The following PCDH17 variants were observed in gnomAD, a reference collection of about 807,000 sequenced individuals.
PCDH17 encodes the protein protocadherin-17.
In PCDH17, 21 loss-of-function variants were observed where a neutral mutation model predicts 67.7. That is an observed-to-expected ratio of 0.31 (90% CI 0.22 to 0.45). The LOEUF (loss-of-function observed/expected upper bound fraction) is 0.45, where lower values mean the gene tolerates loss of function less well. PCDH17 is among the 20% of genes least tolerant of loss of function. The probability of loss-of-function intolerance (pLI) is 1.00; values close to 1 mark genes in which losing one functional copy is unlikely to be tolerated. For missense variants in PCDH17, 1,471 were observed against 1,564.8 expected, an observed-to-expected ratio of 0.94 and a Z score of 1.01; for synonymous variants, 701 against 656.7, an observed-to-expected ratio of 1.07 and a Z score of -1.03.
At chr13:57,652,465 T>C (rs1955054674) in intron 1 of PCDH17, among the ~76,000 whole-genome samples, 1 of 152,154 alleles carries the variant, frequency 6.6e-6, no homozygotes, top group South Asian at 2.1e-4. Context: ...CCAAAATCGG[T>C]TTCTAGATAT....
rs1167639839 is a variant in PCDH17, at chr13:57,726,876, A to G, written c.*1582A>G. 2.0e-5 allele frequency: 3 copies of G among 152,508 alleles called. No individual in the cohort carries two copies. The highest frequency in any genetic ancestry group is 4.4e-5 in the Non-Finnish European group (3 of 68,018). 9.4% of individuals were successfully genotyped at this position (152,508 alleles called of 1,614,324 possible). On this transcript the variant is annotated 3_prime_UTR_variant, in exon 4 of 4. Coordinates refer to ENST00000377918, the MANE Select transcript of PCDH17 (RefSeq NM_001040429.3). ...GAAAAATGCTTTAATGCATGTATGTACCAGCAGTGGTTACTTGCATTGTGT... is the reference window on the plus strand; with the variant it reads ...GAAAAATGCTTTAATGCATGTATGTGCCAGCAGTGGTTACTTGCATTGTGT...
intron 3 of PCDH17, among the ~76,000 whole-genome samples, chr13:57,696,527 A>C (rs1297814827): frequency 2.3e-5 from 3 of 132,556 alleles, no homozygotes; most frequent in East Asian, 2.1e-4. Context: ...TACTGTTCGC[A>C]AAAAAAATGT....
intron 3 of PCDH17, among the ~76,000 whole-genome samples, chr13:57,709,366 G>A (rs371592430): frequency 6.6e-6 from 1 of 151,582 alleles, no homozygotes; most frequent in South Asian, 2.1e-4. Flanking sequence ...TTTTATTTAA[G>A]GTTAATGAAT....
intron 1 of PCDH17, among the ~76,000 whole-genome samples, chr13:57,654,876 C>T (rs1224325777): frequency 1.3e-5 from 2 of 151,594 alleles, no homozygotes; most frequent in Non-Finnish European, 3.0e-5. Flanking sequence ...TTATTTTTTT[C>T]CTCAAATTTG....
intron 3 of PCDH17, among the ~76,000 whole-genome samples, chr13:57,675,187 G>A (rs563366200): frequency 3.0e-4 from 46 of 152,024 alleles, no homozygotes; most frequent in Non-Finnish European, 6.3e-4. Context: ...GCGCTAAAAT[G>A]TCTCAATCCA....
intron 3 of PCDH17, among the ~76,000 whole-genome samples, chr13:57,722,848 A>G (rs1287232592): frequency 1.3e-5 from 2 of 152,114 alleles, no homozygotes; most frequent in East Asian, 1.9e-4. Flanking sequence ...GGCTCAAGCA[A>G]TCCTCCTGCC....
At chr13:57,654,961 A>T (rs1031454440) in intron 1 of PCDH17, among the ~76,000 whole-genome samples, 11 of 151,980 alleles carry the variant, frequency 7.2e-5, no homozygotes, top group Non-Finnish European at 1.6e-4. Flanking sequence ...TTGGTAAATT[A>T]TCTTTGAAGC....
In PCDH17 at chr13:57,656,498, T is replaced by C. The variant is rs562646438; in HGVS notation, c.2566-9970T>C. ...CTTTGTCTTTATATACCGAGAATAT[T>C]AGAAGAAGCTATTTCAGAAATGTAA... On this transcript the variant is annotated intron_variant, in intron 1 of 3. Transcript: ENST00000377918. Among the ~76,000 whole-genome samples, 3 of 152,196 alleles carry C rather than the reference T, an allele frequency of 2.0e-5. No homozygotes were observed. The East Asian group carries it at 5.8e-4, about 29-fold the overall frequency.
chr13:57,678,281 A>G (rs935900347), intron 3 of PCDH17, among the ~76,000 whole-genome samples: 4 of 151,538 alleles, frequency 2.6e-5, no homozygotes, highest in Admixed American at 6.6e-5. Flanking sequence ...CGTAGCAAGT[A>G]ATGGAGAGGG....
intron 1 of PCDH17, among the ~76,000 whole-genome samples, chr13:57,664,283 C>G (rs11841785): frequency 0.059 from 8,990 of 152,144 alleles, 398 homozygotes; most frequent in East Asian, 0.25. Context: ...CTATCTTCAT[C>G]AGACCAATAT....
At chr13:57,702,064 C>T (rs761461594) in intron 3 of PCDH17, among the ~76,000 whole-genome samples, 17 of 151,818 alleles carry the variant, frequency 1.1e-4, no homozygotes, top group Admixed American at 5.3e-4. Flanking sequence ...ATTACAGGGA[C>T]GTGCCACCAG....
intron 3 of PCDH17, among the ~76,000 whole-genome samples, chr13:57,670,899 C>T (rs1955311784): frequency 6.6e-6 from 1 of 151,718 alleles, no homozygotes; most frequent in Admixed American, 6.6e-5. Flanking sequence ...ACTATTTTGG[C>T]AAAATAATTT....
chr13:57,643,703 G>C (rs1954931465), intron 1 of PCDH17, among the ~76,000 whole-genome samples: 1 of 151,584 alleles, frequency 6.6e-6, no homozygotes, highest in Admixed American at 6.6e-5. Flanking sequence ...CATTTTCATT[G>C]TGGTAATATT....
intron 1 of PCDH17, among the ~76,000 whole-genome samples, chr13:57,641,814 T>C (rs1291965811): frequency 6.6e-6 from 1 of 150,760 alleles, no homozygotes; most frequent in Admixed American, 6.6e-5. Flanking sequence ...AATAAGGCAG[T>C]TAAACAGCAT....
chr13:57,658,764 G>GTTTGTTTTGTTTTGT (rs61473114), intron 1 of PCDH17, among the ~76,000 whole-genome samples: 26,730 of 149,998 alleles, frequency 0.18, 3,151 homozygotes, highest in African/African-American at 0.33. Context: ...TTTTTCGTTT[G>GTTTGTTTTGTTTTGT]TTTGTTTTGT....
In PCDH17 at chr13:57,632,323, G is replaced by T; in HGVS notation, c.-224G>T. 1 of 584,664 alleles carries T rather than the reference G, an allele frequency of 1.7e-6. No homozygotes were observed. The highest frequency in any genetic ancestry group is 3.0e-6 in the Non-Finnish European group (1 of 331,876). 36.2% of individuals were successfully genotyped at this position (584,664 alleles called of 1,614,324 possible). On this transcript the variant is annotated 5_prime_UTR_variant, in exon 1 of 4. Coordinates refer to ENST00000377918, the MANE Select transcript of PCDH17 (RefSeq NM_001040429.3). Reference sequence around the variant, plus strand: ...GCCCCTGCAGCTCTGCTGCACCGCAGCTTCTCACCCAGTGCGGATGCTGTA... The same window carrying T: ...GCCCCTGCAGCTCTGCTGCACCGCATCTTCTCACCCAGTGCGGATGCTGTA...
intron 3 of PCDH17, among the ~76,000 whole-genome samples, chr13:57,695,540 T>A (rs558017030): frequency 6.6e-6 from 1 of 151,186 alleles, no homozygotes; most frequent in Non-Finnish European, 1.5e-5. Context: ...GTAAATTTTG[T>A]CTTCAGTGGA....
chr13:57,694,133 A>C (rs1955585117), intron 3 of PCDH17, among the ~76,000 whole-genome samples: 1 of 151,172 alleles, frequency 6.6e-6, no homozygotes, highest in Non-Finnish European at 1.5e-5. Context: ...TTGAGTATTG[A>C]CTCAGTTGTC....
chr13:57,674,747 T>C (rs1955369880), intron 3 of PCDH17, among the ~76,000 whole-genome samples: 1 of 151,974 alleles, frequency 6.6e-6, no homozygotes, highest in Admixed American at 6.6e-5. Flanking sequence ...GTTAAGAACT[T>C]AAGGAAATAA....
Sources: allele counts gnomAD v4.1 joint callset (sites outside exome capture counted in the v4.1 genomes callset), GRCh38; gene constraint gnomAD v4.1.1; transcripts MANE v1.5; gene names NCBI Gene and HGNC (gene_info 2026-07-23, HGNC 2026-07-21).